Variants in ANXA5 observed in about 807,000 individuals in gnomAD.
ANXA5 encodes annexin A5.
Under a neutral mutation model 48.1 loss-of-function variants are expected in ANXA5, and 40 were observed. That is an observed-to-expected ratio of 0.83 (90% CI 0.65 to 1.08). ANXA5 has a LOEUF of 1.08. ANXA5 is among the 50% of genes least tolerant of loss of function. ANXA5 has a pLI of 0.00. For missense variants in ANXA5, 357 were observed against 376.8 expected (o/e 0.95, Z 0.44); for synonymous variants, 113 against 129.1 (o/e 0.88, Z 0.85).
intron 3 of ANXA5, 83 bp from the exon 4 acceptor site, chr4:121,684,854 C>G: frequency 9.6e-7 from 1 of 1,042,420 alleles, no homozygotes; most frequent in South Asian, 1.3e-5. Flanking sequence ...TCCCAGTCAC[C>G]TTATTTCCTT....
intron 8 of ANXA5, among the ~76,000 whole-genome samples, chr4:121,675,527 A>G (rs1048811208): frequency 6.6e-6 from 1 of 152,372 alleles, no homozygotes; most frequent in East Asian, 1.9e-4. Flanking sequence ...CAAAAATAAT[A>G]GCCAGTGTAA....
At chr4:121,694,423 T>TG (rs1725044082) in intron 2 of ANXA5, among the ~76,000 whole-genome samples, 2 of 152,274 alleles carry the variant, frequency 1.3e-5, no homozygotes, top group South Asian at 4.1e-4. Context: ...GTCTCACTGT[T>TG]GCCCAGGCTG....
chr4:121,695,513 G>A (rs1324995287), intron 2 of ANXA5, among the ~76,000 whole-genome samples: 2 of 152,190 alleles, frequency 1.3e-5, no homozygotes, highest in Admixed American at 6.5e-5. Flanking sequence ...TGTGAAATCA[G>A]TTTTAGAGTT....
intron 2 of ANXA5, among the ~76,000 whole-genome samples, chr4:121,687,567 G>C (rs1303450789): frequency 1.3e-5 from 2 of 152,158 alleles, no homozygotes; most frequent in Admixed American, 6.5e-5. Flanking sequence ...CACCAAAAAG[G>C]AGGAAAGTTT....
chr4:121,668,477 T>C lies in ANXA5; in HGVS notation c.954A>G (p.Glu318=). Residue 318 remains glutamate, a synonymous_variant, in exon 13 of 13, where the codon GAA becomes GAG. Coordinates refer to ENST00000296511, the MANE Select transcript of ANXA5 (RefSeq NM_001154.4). ...YKKALLLLCG[E]DD ...TCTTCCCCGTGACACGTTAGTCATC[T>C]TCTCCACAGAGCAGCAGAAGAGCTT... 1.2e-6 allele frequency: 2 copies of C among 1,613,496 alleles called. No homozygotes were observed. The highest frequency in any genetic ancestry group is 1.7e-6 in the Non-Finnish European group (2 of 1,179,576).
chr4:121,696,661 T>C, intron 1 of ANXA5, 37 bp from the exon 2 acceptor site: 1 of 1,293,724 alleles, frequency 7.7e-7, no homozygotes, highest in Non-Finnish European at 1.0e-6. Flanking sequence ...TAGCGCGCCA[T>C]TTGCAACTCG....
At position 121,696,564 on chromosome 4, in the gene ANXA5, G is replaced by A. The variant is rs1435106434; in HGVS notation, c.9+17C>T. The A allele has an allele frequency of 7.2e-7, 1 of 1,396,472 alleles. No individual in the cohort carries two copies. Among genetic ancestry groups the A allele is most frequent in the Non-Finnish European group, 9.4e-7 (1 of 1,064,284 alleles). 86.5% of individuals were successfully genotyped at this position (1,396,472 alleles called of 1,614,324 possible). ...GTTGTGGGTAAATCCAGCGCAGTGGGGGGCGCACGGCCTTACCTGTGCCAT... is the reference window on the plus strand; with the variant it reads ...GTTGTGGGTAAATCCAGCGCAGTGGAGGGCGCACGGCCTTACCTGTGCCAT... On this transcript the variant is annotated intron_variant, in intron 2 of 12. Transcript: ENST00000296511.
chr4:121,678,102 C>T, intron 7 of ANXA5, 152 bp from the exon 8 acceptor site: 1 of 663,548 alleles, frequency 1.5e-6, no homozygotes, highest in Middle Eastern at 3.1e-4. Context: ...ACGTTATCAT[C>T]ACCCAGCACT....
chr4:121,680,506 C>A (rs764943991), intron 6 of ANXA5, among the ~76,000 whole-genome samples: 30 of 152,166 alleles, frequency 2.0e-4, no homozygotes, highest in South Asian at 4.1e-4. Context: ...TCTGTCATGT[C>A]ACCCACTGAG....
chr4:121,668,393 A>G lies in ANXA5; in HGVS notation c.*75T>C. 1 of 1,318,510 alleles carries G rather than the reference A, an allele frequency of 7.6e-7. No individual in the cohort carries two copies. The highest frequency in any genetic ancestry group is 1.1e-6 in the Non-Finnish European group (1 of 911,920). The allele number at this position is 1,318,510 out of a possible 1,614,324, so 81.7% of individuals were successfully genotyped here. ...GCAATGTGTTAAGCACTGGCATACA[A>G]ATGCAGCTAAAGGTGCTGAAGGAAG... On this transcript the variant is annotated 3_prime_UTR_variant, in exon 13 of 13. Coordinates refer to ENST00000296511, the MANE Select transcript of ANXA5 (RefSeq NM_001154.4).
At chr4:121,682,818 C>T (rs1724814857) in intron 5 of ANXA5, among the ~76,000 whole-genome samples, 1 of 152,118 alleles carries the variant, frequency 6.6e-6, no homozygotes, top group South Asian at 2.1e-4. Context: ...CATATTTATA[C>T]AACATTCCAA....
chr4:121,691,564 G>A (rs757272130), intron 2 of ANXA5, among the ~76,000 whole-genome samples: 7 of 151,508 alleles, frequency 4.6e-5, no homozygotes, highest in African/African-American at 9.7e-5. Context: ...AGCATTCCAC[G>A]TAATATTAAC....
intron 4 of ANXA5, among the ~76,000 whole-genome samples, chr4:121,684,012 G>GAA (rs547572213): frequency 6.9e-6 from 1 of 145,776 alleles, no homozygotes; most frequent in African/African-American, 2.5e-5. Context: ...ATGTAATTGT[G>GAA]AAAAAAAAAA....
chr4:121,676,800 C>G (rs888645803), intron 8 of ANXA5, among the ~76,000 whole-genome samples: 1 of 152,012 alleles, frequency 6.6e-6, no homozygotes, highest in African/African-American at 2.4e-5. Flanking sequence ...GCAGAGAGAG[C>G]ATGTGAGAGA....
chr4:121,687,071 C>CT (rs1434758011), intron 2 of ANXA5, among the ~76,000 whole-genome samples: 3 of 152,110 alleles, frequency 2.0e-5, no homozygotes, highest in Non-Finnish European at 4.4e-5. Context: ...CTTTGGGAGG[C>CT]TGAGGCAGGC....
intron 8 of ANXA5, among the ~76,000 whole-genome samples, chr4:121,675,310 C>G (rs1724679577): frequency 1.3e-5 from 2 of 152,152 alleles, no homozygotes; most frequent in Non-Finnish European, 2.9e-5. Context: ...TGCCAGGTAT[C>G]AGTAGAGACA....
chr4:121,673,865 TAAGA>T (rs1724651992), intron 8 of ANXA5, among the ~76,000 whole-genome samples: 1 of 151,788 alleles, frequency 6.6e-6, no homozygotes, highest in South Asian at 2.1e-4. Context: ...TTTATAAAAC[TAAGA>T]AAGAACAAAA....
chr4:121,695,449 CT>C (rs1435085821), intron 2 of ANXA5, among the ~76,000 whole-genome samples: 7 of 152,112 alleles, frequency 4.6e-5, no homozygotes, highest in Non-Finnish European at 1.5e-5. Context: ...AGTTAAAACA[CT>C]TGTTTAAAAA....
At position 121,672,643 on chromosome 4, in the gene ANXA5, C is replaced by T. The variant is rs1208960984; in HGVS notation, c.532-17G>A. On this transcript the variant is annotated splice_polypyrimidine_tract_variant and intron_variant, in intron 8 of 12. Coordinates refer to ENST00000296511, the MANE Select transcript of ANXA5 (RefSeq NM_001154.4). Reference sequence around the variant, plus strand: ...AAATAAAGCCTGCAAAAATTTCAAACTCAATTAATAAATTGTTCCTCCATC... The same window carrying T: ...AAATAAAGCCTGCAAAAATTTCAAATTCAATTAATAAATTGTTCCTCCATC... The T allele has an allele frequency of 6.3e-7, 1 of 1,589,132 alleles. No homozygotes were observed. Among genetic ancestry groups the T allele is most frequent in the Non-Finnish European group, 8.6e-7 (1 of 1,158,096 alleles).
Sources: allele counts gnomAD v4.1 joint callset (sites outside exome capture counted in the v4.1 genomes callset), GRCh38; gene constraint gnomAD v4.1.1; transcripts MANE v1.5; gene names NCBI Gene and HGNC (gene_info 2026-07-23, HGNC 2026-07-21).